The following DNER variants were observed in gnomAD, a reference collection of about 807,000 sequenced individuals.
The protein encoded by DNER is delta/notch like EGF repeat containing.
A neutral mutation model predicts 78.2 loss-of-function variants in DNER; 33 were observed. That is an observed-to-expected ratio of 0.42 (90% CI 0.32 to 0.56). DNER has a LOEUF of 0.56. Among genes scored for constraint, DNER ranks in the 20% least tolerant of loss-of-function variants. The pLI, the probability that DNER is intolerant of heterozygous loss-of-function variation, is 0.11. For synonymous variants in DNER, 417 were observed against 384.8 expected, an observed-to-expected ratio of 1.08 and a Z score of -0.98; for missense variants, 918 against 975.3, an observed-to-expected ratio of 0.94 and a Z score of 0.78.
chr2:229,560,880 GGCATTAAATAA>G (rs1369783899), intron 4 of DNER, among the ~76,000 whole-genome samples: 4 of 151,814 alleles, frequency 2.6e-5, no homozygotes, highest in Non-Finnish European at 5.9e-5. Context: ...AGGGGCCGGG[GGCATTAAATAA>G]GCATTTAAAA....
chr2:229,422,248 T>C (rs1693783317), intron 8 of DNER, among the ~76,000 whole-genome samples: 1 of 152,200 alleles, frequency 6.6e-6, no homozygotes, highest in South Asian at 2.1e-4. Context: ...TATCACCCCC[T>C]GCTGATAATT....
intron 4 of DNER, among the ~76,000 whole-genome samples, chr2:229,569,247 G>A (rs1314296180): frequency 6.6e-6 from 1 of 152,208 alleles, no homozygotes; most frequent in African/African-American, 2.4e-5. Flanking sequence ...CATAGGCTGA[G>A]CGCAGTTGCT....
At chr2:229,574,593 G>A (rs966317720) in intron 4 of DNER, among the ~76,000 whole-genome samples, 7 of 152,066 alleles carry the variant, frequency 4.6e-5, no homozygotes, top group Admixed American at 3.9e-4. Flanking sequence ...GTAAACACTG[G>A]TTGTCAGTAG....
At position 229,556,741 on chromosome 2, in the gene DNER, GGTC is replaced by G. The variant is rs1339932865; in HGVS notation, c.848-9652_848-9650del. Among the ~76,000 whole-genome samples the G allele has an allele frequency of 2.6e-5, 4 of 152,106 alleles. No individual in the cohort carries two copies. In the East Asian group the frequency reaches 7.7e-4, roughly 29 times the overall value. On this transcript the variant is annotated intron_variant, in intron 4 of 12. Coordinates refer to ENST00000341772, the MANE Select transcript of DNER (RefSeq NM_139072.4). ...TATTTGCTTATTAAGACTGTATTTT[GGTC>G]CTAAAATCTGTTAATAGATGATTAC...
intron 1 of DNER, among the ~76,000 whole-genome samples, chr2:229,606,943 C>A (rs555521569): frequency 2.0e-5 from 3 of 152,112 alleles, no homozygotes; most frequent in Non-Finnish European, 1.5e-5. Flanking sequence ...TGTTTAGGAT[C>A]AGTACAGAAG....
intron 10 of DNER, among the ~76,000 whole-genome samples, chr2:229,398,391 G>T (rs1256594716): frequency 6.6e-6 from 1 of 152,034 alleles, no homozygotes; most frequent in East Asian, 1.9e-4. Flanking sequence ...AGGTCCAAAT[G>T]CTTTCACTGG....
intron 1 of DNER, among the ~76,000 whole-genome samples, chr2:229,638,037 G>A (rs1335073906): frequency 3.3e-5 from 5 of 152,192 alleles, no homozygotes; most frequent in Non-Finnish European, 7.3e-5. Context: ...CAGAGCTAAT[G>A]AGGATTTTTC....
intron 1 of DNER, among the ~76,000 whole-genome samples, chr2:229,674,290 T>A (rs1236675206): frequency 6.6e-6 from 1 of 152,206 alleles, no homozygotes. Context: ...TTCTTCTTTT[T>A]TGGTGGGGGA....
intron 1 of DNER, among the ~76,000 whole-genome samples, chr2:229,642,595 C>T (rs1698646101): frequency 6.6e-6 from 1 of 152,194 alleles, no homozygotes; most frequent in African/African-American, 2.4e-5. Flanking sequence ...AGAAGCCCTT[C>T]CCTGAAGCCA....
intron 4 of DNER, among the ~76,000 whole-genome samples, chr2:229,559,505 G>A (rs1471257917): frequency 3.9e-5 from 6 of 152,100 alleles, no homozygotes; most frequent in Admixed American, 6.6e-5. Context: ...AAACAGCTTC[G>A]GGAGGTCAGA....
rs117796769 is a variant in DNER at position 229,554,021 on chromosome 2, A to G, written c.848-6929T>C. On this transcript the variant is annotated intron_variant, in intron 4 of 12. Transcript: ENST00000341772. ...ATGTGCTGGACATTGTTAAGTAGGA[A>G]TAATAACCCAAGTAGGCTGACCATG... is the stretch of plus-strand genomic sequence containing the variant. 3.3e-5 allele frequency among the ~76,000 whole-genome samples: 5 copies of G among 152,358 alleles called. No individual in the cohort carries two copies. In the East Asian group the frequency reaches 9.6e-4, roughly 29 times the overall value.
chr2:229,567,523 G>T (rs113217984), intron 4 of DNER, among the ~76,000 whole-genome samples: 1 of 152,226 alleles, frequency 6.6e-6, no homozygotes, highest in South Asian at 2.1e-4. Context: ...AGCTGGTAGT[G>T]ATGAGAACCA....
chr2:229,478,999 T>G (rs1695096327), intron 6 of DNER, among the ~76,000 whole-genome samples: 1 of 152,274 alleles, frequency 6.6e-6, no homozygotes, highest in South Asian at 2.1e-4. Flanking sequence ...CAGTGTGTGT[T>G]GTTCTCCTCC....
intron 8 of DNER, among the ~76,000 whole-genome samples, chr2:229,442,622 G>A (rs562681391): frequency 2.3e-4 from 35 of 152,202 alleles, no homozygotes; most frequent in Non-Finnish European, 3.8e-4. Flanking sequence ...AAAGGCACAT[G>A]GGCCTTAGTG....
chr2:229,505,788 T>C (rs1375196006), intron 6 of DNER, among the ~76,000 whole-genome samples: 2 of 152,216 alleles, frequency 1.3e-5, no homozygotes, highest in Admixed American at 6.5e-5. Flanking sequence ...TAAAAAGATA[T>C]TATTTTTGAA....
chr2:229,596,455 A>G (rs1697716525), intron 1 of DNER, among the ~76,000 whole-genome samples: 1 of 152,232 alleles, frequency 6.6e-6, no homozygotes, highest in Non-Finnish European at 1.5e-5. Context: ...TGATGAGGGC[A>G]GGAAGAGTAC....
At chr2:229,632,062 T>G (rs1377852873) in intron 1 of DNER, among the ~76,000 whole-genome samples, 2 of 152,210 alleles carry the variant, frequency 1.3e-5, no homozygotes, top group Non-Finnish European at 2.9e-5. Flanking sequence ...AGTACTCTTG[T>G]CAAAATATAG....
intron 1 of DNER, among the ~76,000 whole-genome samples, chr2:229,705,956 A>C (rs1699821172): frequency 6.6e-6 from 1 of 152,180 alleles, no homozygotes; most frequent in African/African-American, 2.4e-5. Context: ...GTGTCCAGAC[A>C]TGTTGGCCAA....
chr2:229,661,298 C>A (rs574533214), intron 1 of DNER, among the ~76,000 whole-genome samples: 3 of 152,068 alleles, frequency 2.0e-5, no homozygotes, highest in Non-Finnish European at 4.4e-5. Context: ...TCCTGTACAC[C>A]AGTCCCCCAC....
Sources: gnomAD v4.1 joint callset for allele counts (sites outside exome capture counted in the v4.1 genomes callset) on GRCh38, gnomAD v4.1.1 for gene constraint, MANE v1.5 for transcripts, NCBI Gene and HGNC (gene_info 2026-07-23, HGNC 2026-07-21) for gene names.